The following ATP10B variants were observed in gnomAD, a reference collection of about 807,000 sequenced individuals.
ATP10B encodes ATPase phospholipid transporting 10B (putative).
ATP10B carries 122 observed loss-of-function variants against 141.2 expected under a neutral mutation model. The observed-to-expected ratio is 0.86, with a 90% CI of 0.75 to 1.00. The LOEUF (loss-of-function observed/expected upper bound fraction) is 1.00. ATP10B is among the 50% of genes least tolerant of loss of function. ATP10B has a pLI of 0.00. For missense variants in ATP10B, 1,876 were observed against 1,825.3 expected (o/e 1.03, Z -0.51); for synonymous variants, 685 against 692.0 (o/e 0.99, Z 0.16).
intron 24 of ATP10B, among the ~76,000 whole-genome samples, chr5:160,570,964 T>G (rs768646714): frequency 1.6e-4 from 25 of 152,190 alleles, no homozygotes; most frequent in Non-Finnish European, 3.5e-4. Flanking sequence ...TGTTCTTCCT[T>G]AGAAGGAAAT....
intron 3 of ATP10B, among the ~76,000 whole-genome samples, chr5:160,703,540 G>A (rs916634072): frequency 2.6e-5 from 4 of 151,546 alleles, no homozygotes; most frequent in South Asian, 2.1e-4. Flanking sequence ...TGCATGGTGC[G>A]ATCTTGGCTC....
chr5:160,907,750 C>G, the ATP10B span, among the ~76,000 whole-genome samples: 18 of 152,312 alleles, frequency 1.2e-4, no homozygotes, highest in African/African-American at 4.3e-4. Flanking sequence ...GTTGAGTGAC[C>G]TCTCCAATGT....
At chr5:160,657,814 C>A (rs1308514879) in intron 7 of ATP10B, among the ~76,000 whole-genome samples, 6 of 152,192 alleles carry the variant, frequency 3.9e-5, no homozygotes, top group African/African-American at 1.4e-4. Context: ...TCTGGGTCCC[C>A]AGAGCATGCT....
chr5:160,899,055 G>A, the ATP10B span, among the ~76,000 whole-genome samples: 824 of 152,176 alleles, frequency 5.4e-3, 8 homozygotes, highest in African/African-American at 0.019. Context: ...GTAACGGGTC[G>A]ATGGGTATAT....
At chr5:160,732,755 G>A (rs1766833965) in intron 2 of ATP10B, among the ~76,000 whole-genome samples, 1 of 152,106 alleles carries the variant, frequency 6.6e-6, no homozygotes, top group Admixed American at 6.6e-5. Context: ...TATTCATTTT[G>A]CTCAGAATTT....
At chr5:160,830,163 T>C (rs1333965017) in intron 1 of ATP10B, among the ~76,000 whole-genome samples, 2 of 152,172 alleles carry the variant, frequency 1.3e-5, no homozygotes. Flanking sequence ...GATGTTGGAT[T>C]TTATCAAAAG....
intron 1 of ATP10B, among the ~76,000 whole-genome samples, chr5:160,843,792 A>C (rs1775947612): frequency 6.6e-6 from 1 of 152,162 alleles, no homozygotes; most frequent in African/African-American, 2.4e-5. Context: ...ATAGGAACAA[A>C]ACAATGCAGG....
chr5:160,697,346 A>G (rs1764427962), intron 3 of ATP10B, among the ~76,000 whole-genome samples: 1 of 152,178 alleles, frequency 6.6e-6, no homozygotes, highest in Non-Finnish European at 1.5e-5. Flanking sequence ...GAGTTTGGAT[A>G]GGCTAGAAGA....
intron 2 of ATP10B, among the ~76,000 whole-genome samples, chr5:160,778,060 TA>T (rs891756458): frequency 7.9e-5 from 12 of 152,204 alleles, no homozygotes; most frequent in African/African-American, 2.9e-4. Context: ...GTGGTTGCTT[TA>T]GGGGAGAAAA....
At chr5:160,926,047 C>A in the ATP10B span, among the ~76,000 whole-genome samples, 1 of 152,200 alleles carries the variant, frequency 6.6e-6, no homozygotes, top group Non-Finnish European at 1.5e-5. Context: ...CTGAATCAAC[C>A]AGTTTGCATT....
intron 16 of ATP10B, among the ~76,000 whole-genome samples, chr5:160,616,286 A>G (rs1757993055): frequency 6.6e-6 from 1 of 152,128 alleles, no homozygotes; most frequent in African/African-American, 2.4e-5. Context: ...TATTTCAGGG[A>G]ATGCTAGGTA....
the ATP10B span, among the ~76,000 whole-genome samples, chr5:160,897,047 A>G: frequency 1.3e-5 from 2 of 152,220 alleles, no homozygotes; most frequent in Non-Finnish European, 1.5e-5. Flanking sequence ...GTATCTCAAA[A>G]TAATAAGAGC....
chr5:160,651,644 T>A (rs1760747730), intron 7 of ATP10B, among the ~76,000 whole-genome samples: 1 of 152,098 alleles, frequency 6.6e-6, no homozygotes, highest in Non-Finnish European at 1.5e-5. Context: ...ACTGAAAGCT[T>A]CAAGGTACAG....
chr5:160,883,505 G>C, the ATP10B span, among the ~76,000 whole-genome samples: 1 of 151,904 alleles, frequency 6.6e-6, no homozygotes, highest in East Asian at 1.9e-4. Context: ...ACATTTTTAT[G>C]GCTGAGAATA....
the ATP10B span, among the ~76,000 whole-genome samples, chr5:160,884,184 C>T: frequency 6.6e-6 from 1 of 152,180 alleles, no homozygotes; most frequent in Non-Finnish European, 1.5e-5. Context: ...TTTCTGGAGC[C>T]AACCATCTTG....
intron 8 of ATP10B, among the ~76,000 whole-genome samples, chr5:160,646,561 T>C (rs191789408): frequency 6.6e-6 from 1 of 152,282 alleles, no homozygotes; most frequent in Admixed American, 6.5e-5. Flanking sequence ...ATAAAAATCA[T>C]AAAGGTGGTC....
chr5:160,612,954 C>CA, intron 17 of ATP10B, 29 bp from the exon 18 acceptor site: 1 of 1,591,208 alleles, frequency 6.3e-7, no homozygotes, highest in East Asian at 2.3e-5. Context: ...ACAGAGTTCA[C>CA]ATTTATCGTA....
In ATP10B at chr5:160,670,460, T is replaced by C. The variant is rs369911526; in HGVS notation, c.675+3A>G. 3.1e-6 allele frequency: 5 copies of C among 1,613,818 alleles called. No individual in the cohort carries two copies. The highest frequency in any genetic ancestry group is 3.4e-6 in the Non-Finnish European group (4 of 1,179,918). ...CCATTGAAGATATTAGAAAGAGCCCTACCTGCTGTGAGAAGCCCTTCACGA... is the reference window on the plus strand; with the variant it reads ...CCATTGAAGATATTAGAAAGAGCCCCACCTGCTGTGAGAAGCCCTTCACGA... On this transcript the variant is annotated splice_donor_region_variant and intron_variant, in intron 7 of 25. Coordinates refer to ENST00000327245, the MANE Select transcript of ATP10B (RefSeq NM_025153.3).
chr5:160,645,874 T>G (rs1760244200), intron 8 of ATP10B, among the ~76,000 whole-genome samples: 1 of 152,170 alleles, frequency 6.6e-6, no homozygotes, highest in South Asian at 2.1e-4. Flanking sequence ...ATACCCACTT[T>G]ACAGATAGGG....
Sources: gnomAD v4.1 joint callset for allele counts (sites outside exome capture counted in the v4.1 genomes callset) on GRCh38, gnomAD v4.1.1 for gene constraint, MANE v1.5 for transcripts, NCBI Gene and HGNC (gene_info 2026-07-23, HGNC 2026-07-21) for gene names.